JAGN1: variants seen among roughly 807,000 people sequenced by gnomAD.
JAGN1 encodes the protein jagunal vesicle mediated transporter 1.
In JAGN1, 13 loss-of-function variants were observed where a neutral mutation model predicts 17.1. The observed-to-expected ratio is 0.76, with a 90% CI of 0.49 to 1.21. The LOEUF is 1.21. JAGN1 is among the 50% of genes most tolerant of loss of function. The pLI is 0.00. For synonymous variants in JAGN1, 111 were observed against 91.0 expected, an observed-to-expected ratio of 1.22 and a Z score of -1.25; for missense variants, 256 against 234.2, an observed-to-expected ratio of 1.09 and a Z score of -0.61.
At position 9,894,035 on chromosome 3, in the gene JAGN1, T is replaced by A. The variant is rs1376551842; in HGVS notation, c.*658T>A. 1 of 152,496 alleles carries A rather than the reference T, an allele frequency of 6.6e-6. No individual in the cohort carries two copies. Among genetic ancestry groups the A allele is most frequent in the African/African-American group, 2.4e-5 (1 of 41,460 alleles). 9.4% of individuals were successfully genotyped at this position (152,496 alleles called of 1,614,324 possible). A position where few individuals can be genotyped will look rare whatever the true frequency, so the allele number is the denominator to read the frequency against. ...ACCTACAGCTGATTGGTAAGAACTATGGGCCAGACATTTAATCTCTCCATC... is the reference window on the plus strand; with the variant it reads ...ACCTACAGCTGATTGGTAAGAACTAAGGGCCAGACATTTAATCTCTCCATC... On this transcript the variant is annotated 3_prime_UTR_variant, in exon 2 of 2. Coordinates refer to ENST00000647897, the MANE Select transcript of JAGN1 (RefSeq NM_032492.4).
Position 9,893,465 on chromosome 3 carries a change from G to C in JAGN1, c.*88G>C, listed in dbSNP as rs2082577036. The C allele has an allele frequency of 9.0e-7, 1 of 1,109,822 alleles. No individual in the cohort carries two copies. Among genetic ancestry groups the C allele is most frequent in the South Asian group, 1.6e-5 (1 of 60,888 alleles). The allele number at this position is 1,109,822 out of a possible 1,614,324, so 68.7% of individuals were successfully genotyped here. A position where few individuals can be genotyped will look rare whatever the true frequency, so the allele number is the denominator to read the frequency against. ...AAAATCCCTTCTGGTGATTTTAGCA[G>C]CTGTGATGTTGGTACCTGGTGCAGA... On this transcript the variant is annotated 3_prime_UTR_variant, in exon 2 of 2. Coordinates refer to ENST00000647897, the MANE Select transcript of JAGN1 (RefSeq NM_032492.4).
chr3:9,891,485 T>G (rs1475916498), intron 1 of JAGN1, among the ~76,000 whole-genome samples: 2 of 151,656 alleles, frequency 1.3e-5, no homozygotes, highest in Non-Finnish European at 2.9e-5. Flanking sequence ...ATAAACAATT[T>G]TATTAAAGAA....
rs1424404691 is a variant in JAGN1 at position 9,893,811 on chromosome 3, C to G, written c.*434C>G. ...GCAGGCTGTGGTCTCCTCTGCAAAG[C>G]ATTTTAATTAAAAACCTCAATAAAG... On this transcript the variant is annotated 3_prime_UTR_variant, in exon 2 of 2. Transcript: ENST00000647897. 5.7e-6 allele frequency: 1 copy of G among 174,062 alleles called. No homozygotes were observed. The highest frequency in any genetic ancestry group is 2.4e-5 in the African/African-American group (1 of 41,736). The allele number at this position is 174,062 out of a possible 1,614,324, so 10.8% of individuals were successfully genotyped here.
intron 1 of JAGN1, 28 bp from the exon 2 acceptor site, chr3:9,892,887 A>G (rs778920284): frequency 6.6e-7 from 1 of 1,507,904 alleles, no homozygotes; most frequent in African/African-American, 1.4e-5. Flanking sequence ...AATTTGAAAG[A>G]TACTTCTCCC....
rs751289139 is a variant in JAGN1 at position 9,890,839 on chromosome 3, G to T, written c.89+28G>T. The T allele has an allele frequency of 1.9e-6, 3 of 1,557,398 alleles. No individual in the cohort carries two copies. The South Asian group carries it at 3.5e-5, about 18-fold the overall frequency. On this transcript the variant is annotated intron_variant, in intron 1 of 1. Coordinates refer to ENST00000647897, the MANE Select transcript of JAGN1 (RefSeq NM_032492.4). ...ATGAAGTGAGGCGAGGAGCACGGAG[G>T]CTTTCTCCCCCGCTGGAGCCTGCGG... is the stretch of plus-strand genomic sequence containing the variant.
intron 1 of JAGN1, 81 bp from the exon 2 acceptor site, chr3:9,892,834 A>C (rs2082571801): frequency 2.4e-6 from 2 of 837,472 alleles, no homozygotes; most frequent in Non-Finnish European, 3.8e-6. Context: ...TTTGTATCCC[A>C]GTGTCCAGTA....
In JAGN1 at chr3:9,890,654, T is replaced by A. The variant is rs531426328; in HGVS notation, c.-69T>A. The A allele has an allele frequency of 4.1e-6, 6 of 1,476,664 alleles. No homozygotes were observed. The highest frequency in any genetic ancestry group is 4.6e-6 in the Non-Finnish European group (5 of 1,082,982). The allele number at this position is 1,476,664 out of a possible 1,614,324, so 91.5% of individuals were successfully genotyped here. ...GCTGCGGGGGCGCAAATAGGGTCAG[T>A]GGGCCGCTTGGCGGTGTCGTTGCGG... is the stretch of plus-strand genomic sequence containing the variant. On this transcript the variant is annotated 5_prime_UTR_variant, in exon 1 of 2. Coordinates refer to ENST00000647897, the MANE Select transcript of JAGN1 (RefSeq NM_032492.4).
chr3:9,890,858 C>G, intron 1 of JAGN1, 47 bp downstream of exon 1: 2 of 1,495,058 alleles, frequency 1.3e-6, no homozygotes, highest in South Asian at 1.2e-5. Context: ...CCCGCTGGAG[C>G]CTGCGGGGCT....
rs962795411 is a variant in JAGN1 at position 9,893,663 on chromosome 3, G to C, written c.*286G>C. ...ATGAGCTTCGTCCTTGCCTCTACTC[G>C]GTCATTCTCCCCATTTCCATCCATT... On this transcript the variant is annotated 3_prime_UTR_variant, in exon 2 of 2. Transcript: ENST00000647897. The C allele has an allele frequency of 2.6e-6, 1 of 390,982 alleles. No homozygotes were observed. The highest frequency in any genetic ancestry group is 4.9e-5 in the East Asian group (1 of 20,382). 24.2% of individuals were successfully genotyped at this position (390,982 alleles called of 1,614,324 possible). A position where few individuals can be genotyped will look rare whatever the true frequency, so the allele number is the denominator to read the frequency against.
chr3:9,891,818 A>T (rs1277799326), intron 1 of JAGN1, among the ~76,000 whole-genome samples: 2 of 152,032 alleles, frequency 1.3e-5, no homozygotes, highest in African/African-American at 4.8e-5. Context: ...TACGTTTGGG[A>T]CGTGAGAGAA....
Position 9,894,242 on chromosome 3 carries a change from T to A in JAGN1, c.*865T>A, listed in dbSNP as rs1022552363. ...GGATTTACAATTCAGTAGAAACTTG[T>A]TATTCATGTGAAACAGTGAACATAA... On this transcript the variant is annotated 3_prime_UTR_variant, in exon 2 of 2. Coordinates refer to ENST00000647897, the MANE Select transcript of JAGN1 (RefSeq NM_032492.4). The A allele has an allele frequency of 2.0e-5, 3 of 152,236 alleles. No homozygotes were observed. Among genetic ancestry groups the A allele is most frequent in the Admixed American group, 1.3e-4 (2 of 15,278 alleles). The allele number at this position is 152,236 out of a possible 1,614,324, so 9.4% of individuals were successfully genotyped here.
At position 9,890,646 on chromosome 3, in the gene JAGN1, A is replaced by G. The variant is rs1053803638; in HGVS notation, c.-77A>G. The G allele has an allele frequency of 4.3e-5, 60 of 1,385,636 alleles. No individual in the cohort carries two copies. The Admixed American group carries it at 1.2e-3, about 29-fold the overall frequency. 85.8% of individuals were successfully genotyped at this position (1,385,636 alleles called of 1,614,324 possible). ...GCCGCGCGGCTGCGGGGGCGCAAAT[A>G]GGGTCAGTGGGCCGCTTGGCGGTGT... On this transcript the variant is annotated 5_prime_UTR_variant, in exon 1 of 2. The change creates a new upstream start codon in the 5' untranslated region. Transcript: ENST00000647897.
At position 9,890,653 on chromosome 3, in the gene JAGN1, G is replaced by GGGTCAC. The variant is rs2082555262; in HGVS notation, c.-70_-69insGGTCAC. On this transcript the variant is annotated 5_prime_UTR_variant, in exon 1 of 2. Coordinates refer to ENST00000647897, the MANE Select transcript of JAGN1 (RefSeq NM_032492.4). ...GGCTGCGGGGGCGCAAATAGGGTCA[G>GGGTCAC]TGGGCCGCTTGGCGGTGTCGTTGCG... 2.7e-6 allele frequency: 4 copies of GGGTCAC among 1,463,620 alleles called. No homozygotes were observed. The highest frequency in any genetic ancestry group is 2.4e-5 in the East Asian group (1 of 40,836). 90.7% of individuals were successfully genotyped at this position (1,463,620 alleles called of 1,614,324 possible).
Position 9,894,251 on chromosome 3 carries a change from T to C in JAGN1, c.*874T>C, listed in dbSNP as rs2082582243. ...ATTCAGTAGAAACTTGTTATTCATG[T>C]GAAACAGTGAACATAATATCTAATG... On this transcript the variant is annotated 3_prime_UTR_variant, in exon 2 of 2. Transcript: ENST00000647897. The C allele has an allele frequency of 6.6e-6, 1 of 152,222 alleles. No homozygotes were observed. The allele number at this position is 152,222 out of a possible 1,614,324, so 9.4% of individuals were successfully genotyped here.
chr3:9,892,364 T>TG (rs1174324646), intron 1 of JAGN1, among the ~76,000 whole-genome samples: 10 of 149,126 alleles, frequency 6.7e-5, no homozygotes, highest in East Asian at 5.9e-4. Context: ...TTTATGGAGA[T>TG]GGGGTCTCAT....
rs1022133048 is a variant in JAGN1, at chr3:9,890,634, G to A, written c.-89G>A. The A allele has an allele frequency of 2.4e-5, 30 of 1,247,520 alleles. No individual in the cohort carries two copies. Among genetic ancestry groups the A allele is most frequent in the Non-Finnish European group, 3.0e-5 (27 of 892,044 alleles). 77.3% of individuals were successfully genotyped at this position (1,247,520 alleles called of 1,614,324 possible). A position where few individuals can be genotyped will look rare whatever the true frequency, so the allele number is the denominator to read the frequency against. ...TCTCTTCACGGAGCCGCGCGGCTGCGGGGGCGCAAATAGGGTCAGTGGGCC... is the reference window on the plus strand; with the variant it reads ...TCTCTTCACGGAGCCGCGCGGCTGCAGGGGCGCAAATAGGGTCAGTGGGCC... On this transcript the variant is annotated 5_prime_UTR_variant, in exon 1 of 2. Coordinates refer to ENST00000647897, the MANE Select transcript of JAGN1 (RefSeq NM_032492.4).
intron 1 of JAGN1, among the ~76,000 whole-genome samples, chr3:9,891,033 A>C (rs540472224): frequency 1.3e-5 from 2 of 152,278 alleles, no homozygotes; most frequent in Admixed American, 6.5e-5. Context: ...CCTTGAGGGG[A>C]TCCAGCCCCG....
intron 1 of JAGN1, 96 bp downstream of exon 1, chr3:9,890,907 C>T: frequency 2.8e-6 from 3 of 1,057,052 alleles, no homozygotes; most frequent in Non-Finnish European, 4.1e-6. Flanking sequence ...GTCTTGCTCC[C>T]CAGCCAGCCC....
Position 9,892,978 on chromosome 3 carries a change from G to C in JAGN1, c.153G>C (p.Leu51=). The change falls in exon 2 of 2, where the codon CTG becomes CTC. Residue 51 remains leucine (L), a synonymous_variant. Transcript: ENST00000647897. ...TACATCTGGTCATATGGCTGCTGCT[G>C]GTTGCTAAGATGAGCGTGGGACACC... ...IYVHLVIWLL[L]VAKMSVGHLR... is the part of the protein sequence containing the mutation. The C allele has an allele frequency of 6.2e-7, 1 of 1,614,174 alleles. No individual in the cohort carries two copies. Among genetic ancestry groups the C allele is most frequent in the African/African-American group, 1.3e-5 (1 of 75,046 alleles).
Sources: gnomAD v4.1 joint callset for allele counts (sites outside exome capture counted in the v4.1 genomes callset) on GRCh38, gnomAD v4.1.1 for gene constraint, MANE v1.5 for transcripts, NCBI Gene and HGNC (gene_info 2026-07-23, HGNC 2026-07-21) for gene names.